ARHGAP24: variants seen among roughly 807,000 people sequenced by gnomAD.
ARHGAP24 encodes rho GTPase-activating protein 24.
ARHGAP24 carries 50 observed loss-of-function variants against 76.4 expected under a neutral mutation model. The observed-to-expected ratio is 0.65, with a 90% CI of 0.52 to 0.83. The LOEUF (loss-of-function observed/expected upper bound fraction) is 0.83. ARHGAP24 is among the 40% of genes least tolerant of loss of function. The pLI, the probability that ARHGAP24 is intolerant of heterozygous loss-of-function variation, is 0.00. For synonymous variants in ARHGAP24, 345 were observed against 323.3 expected (o/e 1.07, Z -0.72); for missense variants, 930 against 914.2 (o/e 1.02, Z -0.22).
At chr4:85,951,995 A>G (rs1349926019) in intron 5 of ARHGAP24, among the ~76,000 whole-genome samples, 3 of 152,164 alleles carry the variant, frequency 2.0e-5, no homozygotes, top group African/African-American at 7.2e-5. Flanking sequence ...ATTAAGTTTA[A>G]TTTCAATATT....
intron 2 of ARHGAP24, among the ~76,000 whole-genome samples, chr4:85,676,169 ACTGAGT>A (rs1722973147): frequency 6.6e-6 from 1 of 150,386 alleles, no homozygotes; most frequent in Non-Finnish European, 1.5e-5. Flanking sequence ...AATTCATCTC[ACTGAGT>A]CTGTTTCGGC....
intron 2 of ARHGAP24, among the ~76,000 whole-genome samples, chr4:85,702,095 CTT>C (rs769298884): frequency 6.6e-6 from 1 of 152,102 alleles, no homozygotes; most frequent in Non-Finnish European, 1.5e-5. Context: ...GTGTGTCTCT[CTT>C]TTTCCTTTCT....
chr4:85,781,555 C>T (rs1296359683), intron 3 of ARHGAP24, among the ~76,000 whole-genome samples: 1 of 145,540 alleles, frequency 6.9e-6, no homozygotes, highest in African/African-American at 2.6e-5. Flanking sequence ...GTATTAGAAG[C>T]TCATTTTTCT....
At position 85,818,987 on chromosome 4, in the gene ARHGAP24, G is replaced by A. The variant is rs141591759; in HGVS notation, c.268+97015G>A. 9.5e-3 allele frequency among the ~76,000 whole-genome samples: 1,448 copies of A among 152,254 alleles called. 27 individuals are homozygous for A. The highest frequency in any genetic ancestry group is 0.033 in the African/African-American group (1,355 of 41,550). ...GCTTTGTTTTGTTTTAAAGAGAAACGTCATAGGGCTTATGGAGGGAGGTAG... is the reference window on the plus strand; with the variant it reads ...GCTTTGTTTTGTTTTAAAGAGAAACATCATAGGGCTTATGGAGGGAGGTAG... On this transcript the variant is annotated intron_variant, in intron 3 of 9. Coordinates refer to ENST00000395184, the MANE Select transcript of ARHGAP24 (RefSeq NM_001025616.3).
intron 4 of ARHGAP24, among the ~76,000 whole-genome samples, chr4:85,934,919 G>A (rs192145502): frequency 2.1e-4 from 32 of 152,260 alleles, no homozygotes; most frequent in South Asian, 6.2e-4. Flanking sequence ...GCACATATGC[G>A]TGCACATACA....
chr4:85,748,307 A>T (rs905457076), intron 3 of ARHGAP24, among the ~76,000 whole-genome samples: 1 of 152,258 alleles, frequency 6.6e-6, no homozygotes, highest in Non-Finnish European at 1.5e-5. Flanking sequence ...TCTGAGGTCC[A>T]GTAGAAATCC....
intron 2 of ARHGAP24, among the ~76,000 whole-genome samples, chr4:85,623,728 G>A (rs1720811617): frequency 6.6e-6 from 1 of 151,964 alleles, no homozygotes; most frequent in Admixed American, 6.6e-5. Flanking sequence ...CATGAGCATG[G>A]AATGTTCTTC....
intron 1 of ARHGAP24, among the ~76,000 whole-genome samples, chr4:85,546,937 C>A (rs983419968): frequency 2.3e-4 from 35 of 151,718 alleles, no homozygotes; most frequent in African/African-American, 8.2e-4. Context: ...TTATTTTTTT[C>A]TGAAGTGTTT....
intron 1 of ARHGAP24, among the ~76,000 whole-genome samples, chr4:85,510,307 A>C (rs1724225622): frequency 1.3e-5 from 2 of 152,190 alleles, no homozygotes; most frequent in Admixed American, 1.3e-4. Context: ...GCTGGCACTA[A>C]GACCCTGAGG....
intron 8 of ARHGAP24, among the ~76,000 whole-genome samples, chr4:85,984,533 C>A (rs59019233): frequency 0.059 from 9,001 of 152,154 alleles, 916 homozygotes; most frequent in African/African-American, 0.2. Flanking sequence ...AAGGCCTTAC[C>A]TCCTAATACC....
chr4:85,496,209 G>A (rs977755090), intron 1 of ARHGAP24, among the ~76,000 whole-genome samples: 4 of 152,302 alleles, frequency 2.6e-5, no homozygotes, highest in South Asian at 2.1e-4. Flanking sequence ...AGATACCACC[G>A]GTGTTTATTT....
chr4:85,586,099 GCC>G (rs1282388609), intron 2 of ARHGAP24, among the ~76,000 whole-genome samples: 1 of 152,164 alleles, frequency 6.6e-6, no homozygotes, highest in Non-Finnish European at 1.5e-5. Flanking sequence ...TCAAGTGGAT[GCC>G]TCTTGTTATC....
intron 1 of ARHGAP24, among the ~76,000 whole-genome samples, chr4:85,500,562 T>G (rs1723762837): frequency 1.3e-5 from 2 of 152,242 alleles, no homozygotes; most frequent in East Asian, 1.9e-4. Flanking sequence ...TTCCTTCTTA[T>G]AACTTTTAAA....
intron 5 of ARHGAP24, among the ~76,000 whole-genome samples, chr4:85,944,873 G>C (rs778499717): frequency 6.6e-6 from 1 of 151,986 alleles, no homozygotes; most frequent in Non-Finnish European, 1.5e-5. Flanking sequence ...TTGAGATGGA[G>C]TTTCATTCTT....
intron 2 of ARHGAP24, among the ~76,000 whole-genome samples, chr4:85,675,542 A>G (rs1025471797): frequency 2.6e-5 from 4 of 152,172 alleles, no homozygotes; most frequent in African/African-American, 7.2e-5. Context: ...GTAACAATTT[A>G]TGGATAACCT....
At chr4:85,674,921 C>T (rs1722921454) in intron 2 of ARHGAP24, among the ~76,000 whole-genome samples, 1 of 152,172 alleles carries the variant, frequency 6.6e-6, no homozygotes, top group Admixed American at 6.5e-5. Flanking sequence ...AACAAATGTA[C>T]GTCTAGCCAA....
At chr4:85,831,335 A>T (rs1039284806) in intron 3 of ARHGAP24, among the ~76,000 whole-genome samples, 1 of 152,220 alleles carries the variant, frequency 6.6e-6, no homozygotes, top group African/African-American at 2.4e-5. Flanking sequence ...CCATCAATAA[A>T]AATTATTGCA....
At chr4:85,785,996 A>G (rs1456968612) in intron 3 of ARHGAP24, among the ~76,000 whole-genome samples, 1 of 147,728 alleles carries the variant, frequency 6.8e-6, no homozygotes, top group East Asian at 2.0e-4. Context: ...TTTTTTTTTT[A>G]TTTCTGTAAA....
chr4:85,841,338 T>C (rs1178661272), intron 3 of ARHGAP24, among the ~76,000 whole-genome samples: 1 of 152,226 alleles, frequency 6.6e-6, no homozygotes, highest in Non-Finnish European at 1.5e-5. Flanking sequence ...AGCACAGTGC[T>C]GAAGAGCCCA....
Sources: allele counts gnomAD v4.1 joint callset (sites outside exome capture counted in the v4.1 genomes callset), GRCh38; gene constraint gnomAD v4.1.1; transcripts MANE v1.5; gene names NCBI Gene and HGNC (gene_info 2026-07-23, HGNC 2026-07-21).